Variants in TBC1D16 observed in about 807,000 individuals in gnomAD.
The protein encoded by TBC1D16 is TBC1 domain family member 16.
A neutral mutation model predicts 74.7 loss-of-function variants in TBC1D16; 58 were observed. The observed-to-expected ratio is 0.78, with a 90% CI of 0.63 to 0.97. The LOEUF is 0.97. TBC1D16 is among the 50% of genes least tolerant of loss of function. The pLI, the probability that TBC1D16 is intolerant of heterozygous loss-of-function variation, is 0.00. For synonymous variants in TBC1D16, 493 were observed against 474.7 expected (o/e 1.04, Z -0.50); for missense variants, 1,014 against 1,079.5 (o/e 0.94, Z 0.85).
In TBC1D16 at chr17:79,944,799, G is replaced by T; in HGVS notation, c.1908+109C>A. ...GTCGCCGTATGGGGGGCTAATGTGT[G>T]GCTGTGGGTGGGGGGCGGCGAGGCG... On this transcript the variant is annotated intron_variant, in intron 10 of 11. Transcript: ENST00000310924. The surrounding 1 kb of genome is among the most constrained non-coding windows in gnomAD (Gnocchi z 7.7). 1.9e-6 allele frequency: 2 copies of T among 1,041,378 alleles called. No homozygotes were observed. The highest frequency in any genetic ancestry group is 1.6e-5 in the South Asian group (1 of 60,824). 64.5% of individuals were successfully genotyped at this position (1,041,378 alleles called of 1,614,324 possible).
intron 7 of TBC1D16, 40 bp from the exon 8 acceptor site, chr17:79,949,046 C>T: frequency 2.5e-6 from 4 of 1,612,246 alleles, no homozygotes; most frequent in Non-Finnish European, 3.4e-6. Flanking sequence ...CAGCGGGTGG[C>T]ACCCAGAGGC....
chr17:79,974,317 C>A (rs1160728604), intron 3 of TBC1D16, among the ~76,000 whole-genome samples: 9 of 152,172 alleles, frequency 5.9e-5, no homozygotes, highest in Admixed American at 4.6e-4. Context: ...CGGTTCACTG[C>A]AACTTCCGCC....
chr17:79,950,354 C>G lies in TBC1D16; in HGVS notation c.1257+57G>C, dbSNP rs1453004856. 2.6e-6 allele frequency: 4 copies of G among 1,523,452 alleles called. No homozygotes were observed. The highest frequency in any genetic ancestry group is 2.6e-6 in the Non-Finnish European group (3 of 1,139,874). 94.4% of individuals were successfully genotyped at this position (1,523,452 alleles called of 1,614,324 possible). A position where few individuals can be genotyped will look rare whatever the true frequency, so the allele number is the denominator to read the frequency against. On this transcript the variant is annotated intron_variant, in intron 6 of 11. Coordinates refer to ENST00000310924, the MANE Select transcript of TBC1D16 (RefSeq NM_019020.4). This position sits in a 1 kb window ranked among gnomAD's most constrained non-coding sequence, Gnocchi z 4.6. ...GCCCCGGCCCTCCTTCCCTCTCGCTCGTTCCCGGTTCCCGGCCGGCTCTCC... is the reference window on the plus strand; with the variant it reads ...GCCCCGGCCCTCCTTCCCTCTCGCTGGTTCCCGGTTCCCGGCCGGCTCTCC...
chr17:79,976,499 C>T (rs571508077), intron 3 of TBC1D16, among the ~76,000 whole-genome samples: 18 of 152,290 alleles, frequency 1.2e-4, no homozygotes, highest in African/African-American at 3.6e-4. Flanking sequence ...CGAATGACTG[C>T]GTCGGTCACA....
chr17:79,973,140 C>T (rs966130678), intron 3 of TBC1D16, among the ~76,000 whole-genome samples: 6 of 152,328 alleles, frequency 3.9e-5, no homozygotes, highest in African/African-American at 1.2e-4. Context: ...AAGGGGAATA[C>T]AACCCAATAC....
chr17:79,943,118 G>C (rs1045996013), intron 10 of TBC1D16, among the ~76,000 whole-genome samples: 1 of 152,204 alleles, frequency 6.6e-6, no homozygotes, highest in East Asian at 1.9e-4. Flanking sequence ...AGGCTGAGCG[G>C]AGCACACCAT....
intron 3 of TBC1D16, among the ~76,000 whole-genome samples, chr17:79,957,534 C>T (rs759678458): frequency 1.3e-5 from 2 of 152,108 alleles, no homozygotes; most frequent in Non-Finnish European, 2.9e-5. Flanking sequence ...CCAGTGGTTG[C>T]CAGGAGCTGG....
chr17:79,978,007 G>T (rs2034406732), intron 3 of TBC1D16, among the ~76,000 whole-genome samples: 1 of 152,220 alleles, frequency 6.6e-6, no homozygotes. Context: ...TTAGGCTCAA[G>T]CTGCCATTTC....
rs555749380 is a variant in TBC1D16, at chr17:79,973,666, C to T, written c.780-20848G>A. On this transcript the variant is annotated intron_variant, in intron 3 of 11. Transcript: ENST00000310924. ...CGGAGCTTGCAGTGAGCCAAGATCA[C>T]GCCACTGCACTCCAGCCCAGGCGAC... 4.0e-5 allele frequency among the ~76,000 whole-genome samples: 6 copies of T among 151,010 alleles called. No homozygotes were observed. In the South Asian group the frequency reaches 8.4e-4, roughly 21 times the overall value.
rs1002926695 is a variant in TBC1D16, at chr17:79,937,457, G to A, written c.*3402C>T. 4 of 152,280 alleles carry A rather than the reference G, an allele frequency of 2.6e-5. No homozygotes were observed. Among genetic ancestry groups the A allele is most frequent in the African/African-American group, 7.2e-5 (3 of 41,442 alleles). 9.4% of individuals were successfully genotyped at this position (152,280 alleles called of 1,614,324 possible). A position where few individuals can be genotyped will look rare whatever the true frequency, so the allele number is the denominator to read the frequency against. On this transcript the variant is annotated 3_prime_UTR_variant, in exon 12 of 12. Transcript: ENST00000310924. Reference sequence around the variant, plus strand: ...GCTATGGAAAACTGAAAGGTCAGAGGGTGGAGGTCCTCTCCCTCCTGGACA... The same window carrying A: ...GCTATGGAAAACTGAAAGGTCAGAGAGTGGAGGTCCTCTCCCTCCTGGACA...
At chr17:80,019,001 G>A (rs1290189106) in intron 1 of TBC1D16, among the ~76,000 whole-genome samples, 3 of 150,154 alleles carry the variant, frequency 2.0e-5, no homozygotes, top group Non-Finnish European at 4.4e-5. Context: ...TAGCCTGCGC[G>A]GTGTCCACAC....
At chr17:80,034,169 A>C (rs1355114150) in intron 1 of TBC1D16, among the ~76,000 whole-genome samples, 2 of 151,954 alleles carry the variant, frequency 1.3e-5, no homozygotes, top group Non-Finnish European at 2.9e-5. Flanking sequence ...TAGAGGATTA[A>C]ATAATTCCAC....
At position 79,985,655 on chromosome 17, in the gene TBC1D16, A is replaced by G. The variant is rs576515245; in HGVS notation, c.779+24505T>C. ...TGGCAGCCATTCCGCATTGATCTCC[A>G]TTTGCTTTTCAAACATGCAATTCTC... On this transcript the variant is annotated intron_variant, in intron 3 of 11. Coordinates refer to ENST00000310924, the MANE Select transcript of TBC1D16 (RefSeq NM_019020.4). This position sits in a 1 kb window ranked among gnomAD's most constrained non-coding sequence, Gnocchi z 4.9. Among the ~76,000 whole-genome samples the G allele has an allele frequency of 6.6e-6, 1 of 151,948 alleles. No homozygotes were observed. The highest frequency in any genetic ancestry group is 2.4e-5 in the African/African-American group (1 of 41,354).
chr17:79,965,332 T>A (rs1458723600), intron 3 of TBC1D16, among the ~76,000 whole-genome samples: 1 of 152,156 alleles, frequency 6.6e-6, no homozygotes, highest in Non-Finnish European at 1.5e-5. Context: ...TCCGCCTGCC[T>A]CGGCCTCCCA....
chr17:79,974,786 C>T (rs2034259187), intron 3 of TBC1D16, among the ~76,000 whole-genome samples: 1 of 152,190 alleles, frequency 6.6e-6, no homozygotes, highest in Admixed American at 6.5e-5. Flanking sequence ...AAAGGCTGCA[C>T]CAACTCACAG....
In TBC1D16 at chr17:80,035,608, T is replaced by G. The variant is rs2036962177; in HGVS notation, c.-63+187A>C. ...GGTCCTCCCACAACGCTCCCGCTCCTGCTGGCGCCCCGCACCCCGAGGACG... is the reference window on the plus strand; with the variant it reads ...GGTCCTCCCACAACGCTCCCGCTCCGGCTGGCGCCCCGCACCCCGAGGACG... On this transcript the variant is annotated intron_variant, in intron 1 of 11. Coordinates refer to ENST00000310924, the MANE Select transcript of TBC1D16 (RefSeq NM_019020.4). This position sits in a 1 kb window ranked among gnomAD's most constrained non-coding sequence, Gnocchi z 5.3. 6.6e-6 allele frequency among the ~76,000 whole-genome samples: 1 copy of G among 151,630 alleles called. No individual in the cohort carries two copies. Among genetic ancestry groups the G allele is most frequent in the Non-Finnish European group, 1.5e-5 (1 of 67,870 alleles).
In TBC1D16 at chr17:80,010,526, T is replaced by C. The variant is rs2035849595; in HGVS notation, c.413A>G (p.Asp138Gly). ...TELRPTLTPK[D>G]EDILVVAQSV... ...CTGGGCCACCACCAGGATGTCCTCA[T>C]CTTTGGGGGTCAGGGTAGGCCGCAG... The change falls in exon 3 of 12, where the codon GAT (aspartate) becomes GGT (glycine). Residue 138 changes from aspartate (D) to glycine (G), a missense_variant. Coordinates refer to ENST00000310924, the MANE Select transcript of TBC1D16 (RefSeq NM_019020.4). This position sits in a 1 kb window ranked among gnomAD's most constrained non-coding sequence, Gnocchi z 8.8. The C allele has an allele frequency of 6.2e-7, 1 of 1,610,854 alleles. No homozygotes were observed. Among genetic ancestry groups the C allele is most frequent in the Admixed American group, 1.7e-5 (1 of 59,504 alleles).
intron 1 of TBC1D16, among the ~76,000 whole-genome samples, chr17:80,031,634 C>T (rs2143446239): frequency 6.6e-6 from 1 of 152,266 alleles, no homozygotes; most frequent in South Asian, 2.1e-4. Context: ...AAGGAGAGAC[C>T]ATCTGCCATT....
At chr17:79,969,459 A>G (rs765038090) in intron 3 of TBC1D16, among the ~76,000 whole-genome samples, 5 of 152,220 alleles carry the variant, frequency 3.3e-5, no homozygotes, top group Admixed American at 6.5e-5. Flanking sequence ...TGGGATGGCT[A>G]TAATAAAAAA....
Sources: gnomAD v4.1 joint callset for allele counts (sites outside exome capture counted in the v4.1 genomes callset) on GRCh38, gnomAD v4.1.1 for gene constraint, Gnocchi (gnomAD v3.1) non-coding constraint, MANE v1.5 for transcripts, NCBI Gene and HGNC (gene_info 2026-07-23, HGNC 2026-07-21) for gene names.